The following WNT3 variants were observed in gnomAD, a reference collection of about 807,000 sequenced individuals.
WNT3 encodes Wnt family member 3.
In WNT3, 7 loss-of-function variants were observed where a neutral mutation model predicts 34.2. The ratio of observed to expected loss-of-function variants is 0.20; its 90% CI spans 0.12 to 0.38. The LOEUF is 0.38. WNT3 is among the 10% of genes least tolerant of loss of function. The probability of loss-of-function intolerance (pLI) is 1.00; values close to 1 mark genes in which losing one functional copy is unlikely to be tolerated. For synonymous variants in WNT3, 212 were observed against 211.5 expected, an observed-to-expected ratio of 1.00 and a Z score of -0.02; for missense variants, 267 against 499.8, an observed-to-expected ratio of 0.53 and a Z score of 4.44.
At chr17:46,765,750 C>A (rs1390408030) in intron 4 of WNT3, among the ~76,000 whole-genome samples, 1 of 152,256 alleles carries the variant, frequency 6.6e-6, no homozygotes, top group Non-Finnish European at 1.5e-5. Flanking sequence ...GCCCAGGAGC[C>A]TCTGTGGCTG....
chr17:46,788,034 A>G (rs895215617), intron 1 of WNT3, among the ~76,000 whole-genome samples: 1 of 151,608 alleles, frequency 6.6e-6, no homozygotes, highest in African/African-American at 2.4e-5. Context: ...AGTCAGTTGC[A>G]GAGTGTGAGA....
Position 46,770,002 on chromosome 17 carries a change from C to T in WNT3, c.369G>A (p.Val123=), listed in dbSNP as rs897617433. The T allele has an allele frequency of 1.3e-6, 2 of 1,597,788 alleles. No individual in the cohort carries two copies. Among genetic ancestry groups the T allele is most frequent in the Non-Finnish European group, 1.7e-6 (2 of 1,172,534 alleles). ...CGCAGGAGCGGGTGACGGCGAAGGC[C>T]ACGCCGGCCGAGGCGATGGCGTGAA... ...AFVHAIASAG[V]AFAVTRSCAE... is the part of the protein sequence containing the mutation. The change falls in exon 3 of 5, where the codon GTG becomes GTA. Residue 123 remains valine, a synonymous_variant. Coordinates refer to ENST00000225512, the MANE Select transcript of WNT3 (RefSeq NM_030753.5).
At chr17:46,812,260 G>A (rs1243322183) in intron 1 of WNT3, among the ~76,000 whole-genome samples, 1 of 152,176 alleles carries the variant, frequency 6.6e-6, no homozygotes, top group Non-Finnish European at 1.5e-5. Context: ...ACAGCCAAAG[G>A]GACAGGGAGG....
chr17:46,805,591 A>T (rs566082936), intron 1 of WNT3, among the ~76,000 whole-genome samples: 79 of 152,302 alleles, frequency 5.2e-4, no homozygotes, highest in African/African-American at 1.7e-3. Flanking sequence ...AAATAAAAAT[A>T]AAAATTAAAA....
At chr17:46,771,982 G>C (rs1383973067) in intron 2 of WNT3, among the ~76,000 whole-genome samples, 1 of 149,994 alleles carries the variant, frequency 6.7e-6, no homozygotes, top group East Asian at 2.0e-4. Flanking sequence ...GCCGCCCCCA[G>C]ACTCGCGGAA....
At chr17:46,764,879 T>C (rs1482731387) in intron 4 of WNT3, among the ~76,000 whole-genome samples, 1 of 152,202 alleles carries the variant, frequency 6.6e-6, no homozygotes, top group East Asian at 1.9e-4. Flanking sequence ...CACCTCTAGC[T>C]GAGGGCCTTG....
intron 1 of WNT3, among the ~76,000 whole-genome samples, chr17:46,816,475 GCA>G (rs113581876): frequency 0.052 from 7,467 of 144,208 alleles, 278 homozygotes; most frequent in African/African-American, 0.11. Flanking sequence ...CAGAACACAC[GCA>G]CACACACACA....
At chr17:46,813,598 T>C (rs1233332633) in intron 1 of WNT3, among the ~76,000 whole-genome samples, 1 of 151,984 alleles carries the variant, frequency 6.6e-6, no homozygotes, top group Non-Finnish European at 1.5e-5. Flanking sequence ...GAAAAGGTTC[T>C]GCTCAACTCC....
At chr17:46,801,242 G>A (rs1352399010) in intron 1 of WNT3, among the ~76,000 whole-genome samples, 3 of 152,208 alleles carry the variant, frequency 2.0e-5, no homozygotes, top group African/African-American at 7.2e-5. Flanking sequence ...AGGAGCGGGT[G>A]CAGGGCGGCA....
chr17:46,778,626 G>T (rs145068778), intron 1 of WNT3, among the ~76,000 whole-genome samples: 2 of 152,172 alleles, frequency 1.3e-5, no homozygotes, highest in East Asian at 3.9e-4. Context: ...TGAAGTACAC[G>T]TTCCACTTCG....
chr17:46,770,525 C>A (rs1833247903), intron 2 of WNT3, among the ~76,000 whole-genome samples: 1 of 152,142 alleles, frequency 6.6e-6, no homozygotes. Flanking sequence ...CCCAGGCCCA[C>A]CCCTTCCGCA....
chr17:46,810,741 C>A (rs938545611), intron 1 of WNT3, among the ~76,000 whole-genome samples: 2 of 152,014 alleles, frequency 1.3e-5, no homozygotes, highest in Non-Finnish European at 2.9e-5. Flanking sequence ...GACCTGAACG[C>A]GGAATACAGC....
intron 1 of WNT3, among the ~76,000 whole-genome samples, chr17:46,808,881 C>T (rs950309021): frequency 3.9e-5 from 6 of 152,154 alleles, no homozygotes. Flanking sequence ...CAGCAGCCTG[C>T]TCAGGTCGAG....
intron 1 of WNT3, among the ~76,000 whole-genome samples, chr17:46,814,703 C>T (rs925013889): frequency 6.6e-6 from 1 of 152,226 alleles, no homozygotes; most frequent in African/African-American, 2.4e-5. Flanking sequence ...TAACACCTGG[C>T]CTGGGGCCTT....
Position 46,768,697 on chromosome 17 carries a change from C to T in WNT3, c.691G>A (p.Gly231Ser), listed in dbSNP as rs1233413311. Reference sequence around the variant, plus strand: ...TCATACTTGTCCTTGAGGAAGTCACCGATGGCACGGAAGTCAGGCTGCGCC... The same window carrying T: ...TCATACTTGTCCTTGAGGAAGTCACTGATGGCACGGAAGTCAGGCTGCGCC... ...WWAQPDFRAI[G>S]DFLKDKYDSA... The change falls in exon 4 of 5, where the codon GGT becomes AGT. Residue 231 changes from glycine (G) to serine (S), a missense_variant. Gly to Ser is a moderately conservative substitution (Grantham distance 56). Transcript: ENST00000225512. The surrounding 1 kb of genome is among the most constrained non-coding windows in gnomAD (Gnocchi z 5.0). 1.2e-6 allele frequency: 2 copies of T among 1,614,018 alleles called. No individual in the cohort carries two copies. Among genetic ancestry groups the T allele is most frequent in the South Asian group, 1.1e-5 (1 of 91,084 alleles).
chr17:46,763,876 G>A lies in WNT3; in HGVS notation c.*754C>T, dbSNP rs543763838. The A allele has an allele frequency of 2.0e-5, 3 of 150,736 alleles. No homozygotes were observed. The highest frequency in any genetic ancestry group is 2.1e-4 in the South Asian group (1 of 4,754). The allele number at this position is 150,736 out of a possible 1,614,324, so 9.3% of individuals were successfully genotyped here. ...AAAACAAAAAAAAAACTGCATTGAC[G>A]GTGGAAACTGCAGAATGGTAGAAAA... On this transcript the variant is annotated 3_prime_UTR_variant, in exon 5 of 5. Coordinates refer to ENST00000225512, the MANE Select transcript of WNT3 (RefSeq NM_030753.5).
chr17:46,799,216 C>T (rs1026371542), intron 1 of WNT3, among the ~76,000 whole-genome samples: 3 of 152,144 alleles, frequency 2.0e-5, no homozygotes, highest in Non-Finnish European at 4.4e-5. Flanking sequence ...ACTTCTGCCA[C>T]ATGCCTCCCC....
chr17:46,815,083 C>A (rs974608528), intron 1 of WNT3, among the ~76,000 whole-genome samples: 4 of 152,014 alleles, frequency 2.6e-5, no homozygotes, highest in African/African-American at 7.3e-5. Flanking sequence ...AGCTCCTGAT[C>A]TCCAGCAGGC....
intron 1 of WNT3, among the ~76,000 whole-genome samples, chr17:46,786,189 C>G (rs1027167478): frequency 2.6e-5 from 4 of 151,768 alleles, no homozygotes; most frequent in Non-Finnish European, 5.9e-5. Context: ...CTGGTGGGAC[C>G]TGGGGAGGAG....
Sources: allele counts gnomAD v4.1 joint callset (sites outside exome capture counted in the v4.1 genomes callset), GRCh38; gene constraint gnomAD v4.1.1; non-coding constraint Gnocchi (gnomAD v3.1); transcripts MANE v1.5; gene names NCBI Gene and HGNC (gene_info 2026-07-23, HGNC 2026-07-21).